GPM6B: variants seen among roughly 807,000 people sequenced by gnomAD.
The protein encoded by GPM6B is neuronal membrane glycoprotein M6-b.
In GPM6B, 4 loss-of-function variants were observed where a neutral mutation model predicts 27.2. The observed-to-expected ratio is 0.15, with a 90% CI of 0.07 to 0.34. The LOEUF is 0.34. Among genes scored for constraint, GPM6B ranks in the 10% least tolerant of loss-of-function variants. GPM6B has a pLI of 1.00. For synonymous variants in GPM6B, 124 were observed against 103.1 expected, an observed-to-expected ratio of 1.20 and a Z score of -1.23; for missense variants, 183 against 261.9, an observed-to-expected ratio of 0.70 and a Z score of 2.08.
chrX:13,909,936 G>A (rs1255398067), intron 1 of GPM6B, among the ~76,000 whole-genome samples: 5 of 111,830 alleles, frequency 4.5e-5, no homozygotes, highest in Non-Finnish European at 5.6e-5. Flanking sequence ...CTTCCCCTTA[G>A]ATTCACTCAT....
intron 1 of GPM6B, among the ~76,000 whole-genome samples, chrX:13,840,719 C>T (rs2147228634): frequency 9.0e-6 from 1 of 111,624 alleles, no homozygotes; most frequent in South Asian, 3.8e-4. Context: ...AATAGATTCA[C>T]ATGATTCCTC....
chrX:13,907,214 T>G (rs894686598), intron 1 of GPM6B, among the ~76,000 whole-genome samples: 9 of 112,276 alleles, frequency 8.0e-5, no homozygotes, highest in African/African-American at 2.6e-4. Context: ...ACTGACACAG[T>G]GCCTAGCACA....
Position 13,846,790 on chromosome X carries a change from C to CTTTTTTTTTTTTTTTTTTTTTT in GPM6B, c.-197-60983_-197-60982insAAAAAAAAAAAAAAAAAAAAAA, listed in dbSNP as rs10656571. 2.3e-5 allele frequency among the ~76,000 whole-genome samples: 2 copies of CTTTTTTTTTTTTTTTTTTTTTT among 85,435 alleles called. 1 individual carries two copies. Among genetic ancestry groups the CTTTTTTTTTTTTTTTTTTTTTT allele is most frequent in the African/African-American group, 9.3e-5 (2 of 21,489 alleles). The allele number at this position is 85,435 out of a possible 115,157, so 74.2% of individuals were successfully genotyped here. ...TTACAGGCGTGAGCCACTGCGCCAGCTTTTTTTTTTTTTTTTTTTTAAACT... is the reference window on the plus strand; with the variant it reads ...TTACAGGCGTGAGCCACTGCGCCAGCTTTTTTTTTTTTTTTTTTTTTTTTTTTTTTTTTTTTTTTTTTAAACT... On this transcript the variant is annotated intron_variant, in intron 1 of 6. Coordinates refer to the GPM6B transcript ENST00000398361.
At chrX:13,805,991 GCTTT>G (rs1320386359) in intron 2 of GPM6B, among the ~76,000 whole-genome samples, 1 of 109,812 alleles carries the variant, frequency 9.1e-6, no homozygotes, top group Non-Finnish European at 1.9e-5. Flanking sequence ...TTTTTTTGCT[GCTTT>G]TTTTTTCAAA....
chrX:13,871,989 G>A (rs2049983164), intron 1 of GPM6B, among the ~76,000 whole-genome samples: 1 of 110,859 alleles, frequency 9.0e-6, no homozygotes, highest in Non-Finnish European at 1.9e-5. Flanking sequence ...AGTTTATGAA[G>A]AGCCAACAGC....
upstream of GPM6B, chrX:13,938,537 G>A: frequency 2.3e-6 from 2 of 885,597 alleles, no homozygotes; most frequent in Non-Finnish European, 2.8e-6. Context: ...GAGGGGTGAG[G>A]GCTGCGGGGC....
At chrX:13,835,698 C>T (rs778832935) in intron 1 of GPM6B, among the ~76,000 whole-genome samples, 77 of 112,256 alleles carry the variant, frequency 6.9e-4, no homozygotes, top group Non-Finnish European at 1.3e-3. Flanking sequence ...GCTAGTCTTA[C>T]GTGTACCTTT....
intron 5 of GPM6B, 27 bp downstream of exon 5, chrX:13,779,791 G>A (rs1421560729): frequency 8.9e-7 from 1 of 1,124,490 alleles, no homozygotes; most frequent in Admixed American, 2.3e-5. Context: ...GAAATAACTG[G>A]GGGAGGGGTG....
intron 1 of GPM6B, among the ~76,000 whole-genome samples, chrX:13,847,420 A>G (rs2049663206): frequency 8.9e-6 from 1 of 112,514 alleles, no homozygotes. Flanking sequence ...TAATACCTCC[A>G]TCTAAACTCT....
At chrX:13,841,993 C>G (rs1370863923) in intron 1 of GPM6B, among the ~76,000 whole-genome samples, 1 of 112,150 alleles carries the variant, frequency 8.9e-6, no homozygotes, top group Non-Finnish European at 1.9e-5. Flanking sequence ...TGGGAAACCT[C>G]AATGAATCGA....
intron 1 of GPM6B, among the ~76,000 whole-genome samples, chrX:13,892,566 T>G (rs374028308): frequency 9.0e-6 from 1 of 111,630 alleles, no homozygotes; most frequent in South Asian, 3.8e-4. Context: ...AAATCTGTTT[T>G]TTGTTTTGTT....
intron 5 of GPM6B, among the ~76,000 whole-genome samples, chrX:13,778,054 GTTT>G (rs34053837): frequency 2.1e-5 from 2 of 93,782 alleles, no homozygotes. Flanking sequence ...AAATTGGTTT[GTTT>G]TTTTTTTTTT....
At chrX:13,822,667 C>A (rs377305660) in intron 1 of GPM6B, among the ~76,000 whole-genome samples, 1 of 110,514 alleles carries the variant, frequency 9.0e-6, no homozygotes, top group African/African-American at 3.3e-5. Context: ...TGAGTCACCA[C>A]GCCTGGTCTT....
intron 1 of GPM6B, among the ~76,000 whole-genome samples, chrX:13,929,597 T>C (rs747584508): frequency 8.9e-6 from 1 of 112,001 alleles, no homozygotes; most frequent in Non-Finnish European, 1.9e-5. Flanking sequence ...AGGTTTTCAA[T>C]CCCTCTTACC....
chrX:13,829,180 A>G (rs2049410065), intron 1 of GPM6B, among the ~76,000 whole-genome samples: 1 of 111,533 alleles, frequency 9.0e-6, no homozygotes, highest in Non-Finnish European at 1.9e-5. Context: ...AAACTCTGAT[A>G]AAACATGGGG....
intron 1 of GPM6B, among the ~76,000 whole-genome samples, chrX:13,831,352 G>A (rs759466121): frequency 5.4e-5 from 6 of 110,921 alleles, no homozygotes; most frequent in South Asian, 7.8e-4. Context: ...GGGAGGTCTC[G>A]GTTCTAAGGT....
chrX:13,807,863 T>C, intron 1 of GPM6B, 94 bp from the exon 2 acceptor site: 1 of 860,220 alleles, frequency 1.2e-6, no homozygotes, highest in Middle Eastern at 3.5e-4. Context: ...AGAAAGGAAA[T>C]GGGGAGTTTA....
At chrX:13,919,161 C>T (rs1304072762) in intron 1 of GPM6B, among the ~76,000 whole-genome samples, 1 of 111,617 alleles carries the variant, frequency 9.0e-6, no homozygotes, top group East Asian at 2.8e-4. Context: ...AGAGAGTTTC[C>T]TGACTGGCCA....
intron 1 of GPM6B, among the ~76,000 whole-genome samples, chrX:13,825,252 A>ACTAT (rs1190334103): frequency 8.9e-6 from 1 of 112,154 alleles, no homozygotes; most frequent in Non-Finnish European, 1.9e-5. Flanking sequence ...AGTGAGAAGG[A>ACTAT]CTATCAAGTT....
Sources: allele counts gnomAD v4.1 joint callset (sites outside exome capture counted in the v4.1 genomes callset), GRCh38; gene constraint gnomAD v4.1.1; transcripts MANE v1.5; gene names NCBI Gene and HGNC (gene_info 2026-07-23, HGNC 2026-07-21).